The following DDX23 variants were observed in gnomAD, a reference collection of about 807,000 sequenced individuals.
DDX23 encodes the protein probable ATP-dependent RNA helicase DDX23.
DDX23 carries 33 observed loss-of-function variants against 102.7 expected under a neutral mutation model. The observed-to-expected ratio is 0.32, with a 90% confidence interval of 0.24 to 0.43. The LOEUF is 0.43. Among genes scored for constraint, DDX23 ranks in the 20% least tolerant of loss-of-function variants. DDX23 has a pLI of 1.00. For missense variants in DDX23, 549 were observed against 1,086.6 expected (o/e 0.51, Z 6.96); for synonymous variants, 352 against 376.0 (o/e 0.94, Z 0.74).
At chr12:48,838,834 C>T (rs532012337) in intron 5 of DDX23, among the ~76,000 whole-genome samples, 9 of 152,252 alleles carry the variant, frequency 5.9e-5, no homozygotes, top group South Asian at 2.1e-4. Context: ...GCCTGGGCAA[C>T]GGGGCGAGAC....
In DDX23 at chr12:48,833,532, G is replaced by A. The variant is rs752908223; in HGVS notation, c.1561-13C>T. On this transcript the variant is annotated splice_polypyrimidine_tract_variant and intron_variant, in intron 12 of 16. Transcript: ENST00000308025. Reference sequence around the variant, plus strand: ...TAGCAATCACAATCTGAGGAGTACAGTATAATCATTTATAGCCCAGCAGGT... The same window carrying A: ...TAGCAATCACAATCTGAGGAGTACAATATAATCATTTATAGCCCAGCAGGT... 6.8e-6 allele frequency: 11 copies of A among 1,611,856 alleles called. No homozygotes were observed. The highest frequency in any genetic ancestry group is 1.3e-5 in the African/African-American group (1 of 74,982).
chr12:48,851,398 G>A (rs1197495522), intron 1 of DDX23, among the ~76,000 whole-genome samples: 1 of 152,122 alleles, frequency 6.6e-6, no homozygotes, highest in African/African-American at 2.4e-5. Flanking sequence ...GCTTGAACCC[G>A]GGAGGCGGAG....
chr12:48,834,835 G>A lies in DDX23; in HGVS notation c.1383-338C>T. ...TGTAATACCAGCTACTCGGGAGGCT[G>A]AGGCAGAAGAATCGCTTGAACCCAG... On this transcript the variant is annotated intron_variant, in intron 11 of 16. Coordinates refer to ENST00000308025, the MANE Select transcript of DDX23 (RefSeq NM_004818.3). The A allele has an allele frequency of 1.5e-5, 3 of 206,270 alleles. No individual in the cohort carries two copies. The South Asian group carries it at 2.3e-4, about 16-fold the overall frequency. 12.8% of individuals were successfully genotyped at this position (206,270 alleles called of 1,614,324 possible). A position where few individuals can be genotyped will look rare whatever the true frequency, so the allele number is the denominator to read the frequency against.
At chr12:48,844,187 C>T (rs1020386554) in intron 2 of DDX23, 137 bp from the exon 3 acceptor site, 9 of 809,128 alleles carry the variant, frequency 1.1e-5, no homozygotes, top group South Asian at 7.9e-5. Flanking sequence ...ACGGAAATAA[C>T]GAGGGAATTC....
In DDX23 at chr12:48,836,248, G is replaced by T; in HGVS notation, c.1255C>A (p.Arg419Ser). ...TGTAGCCCAATGGGAATTGCCTGAC[G>T]CTGTATAGGTGTTGGTTCCTGCAGT... The part of the protein sequence containing the change: ...CGYKEPTPIQ[R>S]QAIPIGLQNR... Residue 419 changes from arginine (R) to serine (S), a missense_variant, in exon 11 of 17, where the codon CGT becomes AGT. This residue lies in a region of DDX23 where 270 missense variants were observed against 707.0 expected (regional missense o/e 0.38). Transcript: ENST00000308025. The surrounding 1 kb of genome is among the most constrained non-coding windows in gnomAD (Gnocchi z 6.1). 6.2e-7 allele frequency: 1 copy of T among 1,614,172 alleles called. No individual in the cohort carries two copies. Among genetic ancestry groups the T allele is most frequent in the Non-Finnish European group, 8.5e-7 (1 of 1,180,026 alleles).
chr12:48,839,686 A>G (rs928832150), intron 5 of DDX23, 158 bp downstream of exon 5: 1 of 681,340 alleles, frequency 1.5e-6, no homozygotes, highest in Non-Finnish European at 2.5e-6. Flanking sequence ...TAAGCCAAGG[A>G]GAGAGACCTC....
intron 11 of DDX23, among the ~76,000 whole-genome samples, chr12:48,835,909 A>G (rs139891513): frequency 1.3e-5 from 2 of 152,274 alleles, no homozygotes; most frequent in East Asian, 3.9e-4. Context: ...AAATAAAATA[A>G]ATCAGAGACT....
chr12:48,845,153 TTAAAA>T (rs1938642889), intron 2 of DDX23, among the ~76,000 whole-genome samples: 1 of 105,206 alleles, frequency 9.5e-6, no homozygotes. Flanking sequence ...ACTCCATCTT[TTAAAA>T]AAAAAAAAAA....
chr12:48,832,330 G>A lies in DDX23; in HGVS notation c.1955+92C>T. Reference sequence around the variant, plus strand: ...AAAACAGCAGCTCTTCAACACAGCAGAGCAATTGCCCTGCCCTGCACCTGC... The same window carrying A: ...AAAACAGCAGCTCTTCAACACAGCAAAGCAATTGCCCTGCCCTGCACCTGC... On this transcript the variant is annotated intron_variant, in intron 14 of 16. Coordinates refer to ENST00000308025, the MANE Select transcript of DDX23 (RefSeq NM_004818.3). The surrounding 1 kb of genome is among the most constrained non-coding windows in gnomAD (Gnocchi z 4.4). 2 of 1,567,456 alleles carry A rather than the reference G, an allele frequency of 1.3e-6. No individual in the cohort carries two copies. The highest frequency in any genetic ancestry group is 1.7e-5 in the Admixed American group (1 of 58,048).
At position 48,830,351 on chromosome 12, in the gene DDX23, GT is replaced by G. The variant is rs757931328; in HGVS notation, c.*117del. The stretch of plus-strand genomic sequence containing the variant: ...AGGGTCTGGGCTAGGGAGTTGGATT[GT>G]TTTCCTAAGCCCCCATATCCCAAGA... On this transcript the variant is annotated 3_prime_UTR_variant, in exon 17 of 17. Transcript: ENST00000308025. This position sits in a 1 kb window ranked among gnomAD's most constrained non-coding sequence, Gnocchi z 4.9. 46 of 1,245,808 alleles carry G rather than the reference GT, an allele frequency of 3.7e-5. No homozygotes were observed. The highest frequency in any genetic ancestry group is 5.2e-5 in the Non-Finnish European group (45 of 866,544). 77.2% of individuals were successfully genotyped at this position (1,245,808 alleles called of 1,614,324 possible). A position where few individuals can be genotyped will look rare whatever the true frequency, so the allele number is the denominator to read the frequency against.
chr12:48,837,954 T>G lies in DDX23; in HGVS notation c.607A>C (p.Arg203=), dbSNP rs927723433. The G allele has an allele frequency of 6.2e-7, 1 of 1,612,868 alleles. No individual in the cohort carries two copies. The highest frequency in any genetic ancestry group is 8.5e-7 in the Non-Finnish European group (1 of 1,180,034). ...KKRKQFQDLG[R]KMLEDPQERE... ...TAGAATAACAAACCCAACATCTTCC[T>G]GCCCAAGTCTTGGAACTGTTTCCTT... is the stretch of plus-strand genomic sequence containing the variant. The change falls in exon 6 of 17, where the codon AGG becomes CGG. Residue 203 remains arginine, a synonymous_variant. Transcript: ENST00000308025.
intron 1 of DDX23, among the ~76,000 whole-genome samples, chr12:48,848,615 C>T (rs1485169209): frequency 6.6e-6 from 1 of 152,014 alleles, no homozygotes; most frequent in Non-Finnish European, 1.5e-5. Context: ...GACAGGGTCT[C>T]ACCCTCTCAC....
intron 11 of DDX23, chr12:48,834,817 C>A: frequency 4.5e-6 from 1 of 221,224 alleles, no homozygotes; most frequent in South Asian, 6.6e-5. Flanking sequence ...GCCTGTAATA[C>A]CAGCTACTCG....
rs377504708 is a variant in DDX23, at chr12:48,837,627, C to A, written c.650G>T (p.Arg217Leu). The change falls in exon 7 of 17, where the codon CGC (arginine) becomes CTC (leucine). Residue 217 changes from arginine (R) to leucine (L), a missense_variant. Physicochemically the swap from Arg to Leu is moderately radical, Grantham distance 102. This residue lies in a region of DDX23 where 270 missense variants were observed against 707.0 expected (regional missense o/e 0.38). Coordinates refer to ENST00000308025, the MANE Select transcript of DDX23 (RefSeq NM_004818.3). ...EDPQERERRE[R>L]RERMERETNG... ...GGTCTCCCGTTCCATCCTCTCCCTG[C>A]GTTCCCGACGTTCCCGTTCCTGAGG... 1 of 1,614,134 alleles carries A rather than the reference C, an allele frequency of 6.2e-7. No individual in the cohort carries two copies. Among genetic ancestry groups the A allele is most frequent in the Non-Finnish European group, 8.5e-7 (1 of 1,180,030 alleles).
chr12:48,834,383 A>C lies in DDX23; in HGVS notation c.1497T>G (p.Thr499=), dbSNP rs146154375. The stretch of plus-strand genomic sequence containing the variant: ...TGGAGATGCCACCAATGACAGCCAC[A>C]GTGCGGATACCTAGCGGTTTCCCAA... ...IKFGKPLGIR[T]VAVIGGISRE... is the part of the protein sequence containing the mutation. Residue 499 remains threonine, a synonymous_variant, in exon 12 of 17, where the codon ACT becomes ACG. Coordinates refer to ENST00000308025, the MANE Select transcript of DDX23 (RefSeq NM_004818.3). 9.3e-6 allele frequency: 15 copies of C among 1,614,054 alleles called. No homozygotes were observed. The highest frequency in any genetic ancestry group is 1.7e-6 in the Non-Finnish European group (2 of 1,180,038).
intron 3 of DDX23, among the ~76,000 whole-genome samples, chr12:48,842,690 C>G (rs1272924760): frequency 5.6e-5 from 8 of 143,894 alleles, no homozygotes; most frequent in Middle Eastern, 4.0e-3. Context: ...GTCAGCCCCC[C>G]GCCCGGCCAG....
At chr12:48,841,847 A>G (rs1193600960) in intron 3 of DDX23, among the ~76,000 whole-genome samples, 47 of 152,132 alleles carry the variant, frequency 3.1e-4, no homozygotes, top group Non-Finnish European at 4.7e-4. Context: ...TTGGCCCCCC[A>G]AAGTGCCGAG....
chr12:48,837,156 C>G, intron 8 of DDX23, 119 bp from the exon 9 acceptor site: 2 of 1,549,776 alleles, frequency 1.3e-6, no homozygotes, highest in Non-Finnish European at 8.8e-7. Flanking sequence ...CACCAGAGGG[C>G]TGGCTGACTA....
chr12:48,850,875 G>C (rs1938744929), intron 1 of DDX23, among the ~76,000 whole-genome samples: 1 of 152,168 alleles, frequency 6.6e-6, no homozygotes. Flanking sequence ...GGGAATGGAA[G>C]CCTGAGTGGA....
Sources: allele counts gnomAD v4.1 joint callset (sites outside exome capture counted in the v4.1 genomes callset), GRCh38; gene constraint gnomAD v4.1.1; regional missense constraint gnomAD v4.1.1; non-coding constraint Gnocchi (gnomAD v3.1); transcripts MANE v1.5; gene names NCBI Gene and HGNC (gene_info 2026-07-23, HGNC 2026-07-21).